TYW1B: variants seen among roughly 807,000 people sequenced by gnomAD.
The protein encoded by TYW1B is tRNA-yW synthesizing protein 1 homolog B.
TYW1B carries 73 observed loss-of-function variants against 86.9 expected under a neutral mutation model. That is an observed-to-expected ratio of 0.84 (90% CI 0.70 to 1.02). The LOEUF is 1.02. Among genes scored for constraint, TYW1B ranks in the 50% least tolerant of loss-of-function variants. The probability of loss-of-function intolerance (pLI) is 0.00; values close to 1 mark genes in which losing one functional copy is unlikely to be tolerated. For missense variants in TYW1B, 637 were observed against 827.4 expected (o/e 0.77, Z 2.82); for synonymous variants, 248 against 292.8 (o/e 0.85, Z 1.56).
At chr7:72,755,322 G>A (rs1787567398) in intron 7 of TYW1B, among the ~76,000 whole-genome samples, 1 of 152,216 alleles carries the variant, frequency 6.6e-6, no homozygotes, top group Non-Finnish European at 1.5e-5. Context: ...AGGAGGCTGA[G>A]TTGGGAGGAT....
At chr7:72,692,484 A>G (rs1814195043) in intron 11 of TYW1B, among the ~76,000 whole-genome samples, 1 of 152,154 alleles carries the variant, frequency 6.6e-6, no homozygotes, top group African/African-American at 2.4e-5. Flanking sequence ...ACTGTGTTCT[A>G]GCTTTGGTGA....
intron 9 of TYW1B, among the ~76,000 whole-genome samples, chr7:72,726,869 A>G (rs1787008058): frequency 6.6e-6 from 1 of 152,138 alleles, no homozygotes; most frequent in African/African-American, 2.4e-5. Flanking sequence ...CAGGAAATTT[A>G]CTATCACAGC....
chr7:72,678,619 C>CATT (rs1277384014), intron 11 of TYW1B, among the ~76,000 whole-genome samples: 2 of 110,430 alleles, frequency 1.8e-5, no homozygotes. Context: ...AATTCCAGCA[C>CATT]TTTTTTTTTT....
At chr7:72,672,127 G>A (rs537276329) in intron 11 of TYW1B, among the ~76,000 whole-genome samples, 36 of 152,158 alleles carry the variant, frequency 2.4e-4, no homozygotes, top group African/African-American at 8.4e-4. Flanking sequence ...GAAAAAGTGG[G>A]GTTCCCCTGC....
At chr7:72,677,530 G>C (rs1335920882) in intron 11 of TYW1B, among the ~76,000 whole-genome samples, 1 of 152,096 alleles carries the variant, frequency 6.6e-6, no homozygotes, top group Non-Finnish European at 1.5e-5. Flanking sequence ...AGGATTCTGA[G>C]TTTTTATACA....
intron 11 of TYW1B, among the ~76,000 whole-genome samples, chr7:72,653,229 C>T (rs1366413285): frequency 6.6e-6 from 1 of 152,074 alleles, no homozygotes; most frequent in African/African-American, 2.4e-5. Context: ...AAAAATTTGG[C>T]TCTGGAAAAA....
chr7:72,745,366 G>A (rs527977024), intron 7 of TYW1B, among the ~76,000 whole-genome samples: 1 of 152,206 alleles, frequency 6.6e-6, no homozygotes, highest in South Asian at 2.1e-4. Flanking sequence ...GAAGCAAGCA[G>A]CAGGTATACA....
At chr7:72,770,075 AAAAAAAAAAAAC>A (rs1787839329) in intron 7 of TYW1B, among the ~76,000 whole-genome samples, 1 of 150,502 alleles carries the variant, frequency 6.6e-6, no homozygotes, top group African/African-American at 2.4e-5. Context: ...TCTGTCTCGA[AAAAAAAAAAAAC>A]AAAAAAAATG....
At chr7:72,755,976 G>T (rs1787579829) in intron 7 of TYW1B, among the ~76,000 whole-genome samples, 1 of 152,090 alleles carries the variant, frequency 6.6e-6, no homozygotes, top group Non-Finnish European at 1.5e-5. Flanking sequence ...AAGACAAAGG[G>T]ATGTTTCCTG....
intron 11 of TYW1B, among the ~76,000 whole-genome samples, chr7:72,650,139 C>G (rs1194100671): frequency 1.3e-5 from 2 of 148,476 alleles, no homozygotes; most frequent in Non-Finnish European, 1.5e-5. Flanking sequence ...TGGTCTCGAT[C>G]TCCTGAACTC....
At chr7:72,583,755 G>A (rs1212977084) in intron 13 of TYW1B, among the ~76,000 whole-genome samples, 9 of 152,160 alleles carry the variant, frequency 5.9e-5, no homozygotes, top group African/African-American at 2.2e-4. Flanking sequence ...TGTCCTACTG[G>A]GTACTAGGTG....
chr7:72,716,784 A>T (rs3132427), intron 9 of TYW1B, among the ~76,000 whole-genome samples: 3 of 150,400 alleles, frequency 2.0e-5, no homozygotes, highest in Non-Finnish European at 2.9e-5. Context: ...GACTACAGGC[A>T]CACACCACCA....
chr7:72,823,757 G>C (rs2129572975), intron 2 of TYW1B, among the ~76,000 whole-genome samples: 1 of 152,204 alleles, frequency 6.6e-6, no homozygotes, highest in Non-Finnish European at 1.5e-5. Context: ...AAGCCACTGA[G>C]ACTTGAGGGC....
chr7:72,803,894 G>T lies in TYW1B; in HGVS notation c.724-1372C>A, dbSNP rs1788449243. 2.0e-5 allele frequency among the ~76,000 whole-genome samples: 3 copies of T among 151,916 alleles called. No homozygotes were observed. In the South Asian group the frequency reaches 6.2e-4, roughly 31 times the overall value. On this transcript the variant is annotated intron_variant, in intron 5 of 13. Coordinates refer to ENST00000620995, the MANE Select transcript of TYW1B (RefSeq NM_001145440.3). ...CTCCCAAATTGCTGGGGTTACAAATGTGAGCCACCGTGCCCAGCTGATAAA... is the reference window on the plus strand; with the variant it reads ...CTCCCAAATTGCTGGGGTTACAAATTTGAGCCACCGTGCCCAGCTGATAAA...
At chr7:72,737,887 G>A (rs1352814986) in intron 8 of TYW1B, among the ~76,000 whole-genome samples, 1 of 148,758 alleles carries the variant, frequency 6.7e-6, no homozygotes, top group Admixed American at 6.8e-5. Flanking sequence ...CCATTCTCCT[G>A]CCTCAGCCTC....
chr7:72,755,956 G>A (rs1787579326), intron 7 of TYW1B, among the ~76,000 whole-genome samples: 1 of 152,094 alleles, frequency 6.6e-6, no homozygotes, highest in Admixed American at 6.6e-5. Context: ...GGCAGTCCAA[G>A]AGAAAAATAA....
At chr7:72,752,052 C>A (rs1554465161) in intron 7 of TYW1B, among the ~76,000 whole-genome samples, 1 of 152,226 alleles carries the variant, frequency 6.6e-6, no homozygotes, top group East Asian at 1.9e-4. Flanking sequence ...CCCAGTATCT[C>A]TGGGTAGAGA....
At chr7:72,758,349 A>T (rs1362992182) in intron 7 of TYW1B, among the ~76,000 whole-genome samples, 1 of 152,098 alleles carries the variant, frequency 6.6e-6, no homozygotes, top group Non-Finnish European at 1.5e-5. Flanking sequence ...AAAAACAAAC[A>T]AACAAACAAA....
intron 9 of TYW1B, among the ~76,000 whole-genome samples, chr7:72,721,820 T>A (rs1786909352): frequency 6.6e-6 from 1 of 152,166 alleles, no homozygotes; most frequent in Non-Finnish European, 1.5e-5. Flanking sequence ...TCTTGGATAA[T>A]CACAATTACA....
Sources: gnomAD v4.1 joint callset for allele counts (sites outside exome capture counted in the v4.1 genomes callset) on GRCh38, gnomAD v4.1.1 for gene constraint, MANE v1.5 for transcripts, NCBI Gene and HGNC (gene_info 2026-07-23, HGNC 2026-07-21) for gene names.